The following SPATA31A6 variants were observed in gnomAD, a reference collection of about 807,000 sequenced individuals.
SPATA31A6 encodes spermatogenesis-associated protein 31A6.
In SPATA31A6, 9 loss-of-function variants were observed where a neutral mutation model predicts 11.9. The ratio of observed to expected loss-of-function variants is 0.76; its 90% CI spans 0.46 to 1.32. The LOEUF (loss-of-function observed/expected upper bound fraction) is 1.32. Ranked by LOEUF, SPATA31A6 falls within the 40% of genes most tolerant of loss-of-function variation. The probability of loss-of-function intolerance (pLI) is 0.00; values close to 1 mark genes in which losing one functional copy is unlikely to be tolerated. For missense variants in SPATA31A6, 855 were observed against 1,467.3 expected (o/e 0.58, Z 6.82); for synonymous variants, 314 against 572.1 (o/e 0.55, Z 6.44).
intron 2 of SPATA31A6, 162 bp downstream of exon 2, chr9:42,185,288 T>G: frequency 1.0e-6 from 1 of 991,422 alleles, no homozygotes; most frequent in Non-Finnish European, 1.5e-6. Context: ...GAAGCCATGG[T>G]GGGCCAGGGA....
Position 42,183,731 on chromosome 9 carries a change from C to G in SPATA31A6, c.44C>G (p.Ser15Trp). Residue 15 changes from serine (S) to tryptophan (W), a missense_variant, in exon 1 of 4, where the codon TCG becomes TGG. Transcript: ENST00000332857. ...CCTTTAAAATTACTTAGTGCCTCAT[C>G]GCTAAACGCCCCCAGCTCCACACCA... ...PFPLKLLSAS[S>W]LNAPSSTPWV... The G allele has an allele frequency of 1.3e-6, 2 of 1,534,794 alleles. No individual in the cohort carries two copies. The highest frequency in any genetic ancestry group is 1.8e-6 in the Non-Finnish European group (2 of 1,137,518).
In SPATA31A6 at chr9:42,183,754, C is replaced by T. The variant is rs1451356543; in HGVS notation, c.67C>T (p.Pro23Ser). The T allele has an allele frequency of 3.3e-6, 5 of 1,535,878 alleles. 1 individual carries two copies. Among genetic ancestry groups the T allele is most frequent in the Non-Finnish European group, 4.4e-6 (5 of 1,137,908 alleles). ...ATCGCTAAACGCCCCCAGCTCCACA[C>T]CATGGGTGTTGGATATCTTCCTCAC... The part of the protein sequence containing the change: ...ASSLNAPSST[P>S]WVLDIFLTLV... The change falls in exon 1 of 4, where the codon CCA (proline) becomes TCA (serine). Residue 23 changes from proline (P) to serine (S), a missense_variant. Pro to Ser is a moderately conservative substitution (Grantham distance 74). Transcript: ENST00000332857.
In SPATA31A6 at chr9:42,186,819, G is replaced by A. The variant is rs1829462404; in HGVS notation, c.1117G>A (p.Glu373Lys). 4 of 1,535,020 alleles carry A rather than the reference G, an allele frequency of 2.6e-6. No homozygotes were observed. The highest frequency in any genetic ancestry group is 3.5e-6 in the Non-Finnish European group (4 of 1,142,242). Residue 373 changes from glutamate (E) to lysine (K), a missense_variant, in exon 4 of 4, where the codon GAG becomes AAG. Transcript: ENST00000332857. ...LGNLAKSLDA[E>K]QDTTNPKPFW... ...GAATTTGGCTAAATCATTGGATGCT[G>A]AGCAGGACACCACAAACCCAAAACC...
At position 42,187,061 on chromosome 9, in the gene SPATA31A6, C is replaced by T. The variant is rs1338267510; in HGVS notation, c.1359C>T (p.Val453=). ...PPFLFNEMSN[V]CPIQRETTMS... ...TCTTGTTCAATGAAATGTCCAATGT[C>T]TGCCCAATTCAAAGGGAGACTACAA... Residue 453 remains valine (V), a synonymous_variant, in exon 4 of 4, where the codon GTC becomes GTT. Coordinates refer to ENST00000332857, the MANE Select transcript of SPATA31A6 (RefSeq NM_001145196.1). 3 of 1,546,102 alleles carry T rather than the reference C, an allele frequency of 1.9e-6. 1 individual carries two copies. The highest frequency in any genetic ancestry group is 3.1e-5 in the African/African-American group (2 of 65,154).
chr9:42,186,412 C>T lies in SPATA31A6; in HGVS notation c.710C>T (p.Pro237Leu), dbSNP rs1261329292. The change falls in exon 4 of 4, where the codon CCA becomes CTA. Residue 237 changes from proline to leucine, a missense_variant. Physicochemically the swap from Pro to Leu is moderately conservative, Grantham distance 98 (BLOSUM62 -3). Transcript: ENST00000332857. ...CTGCGGGACTCCACACTGATAACTC[C>T]ATCTCACTGTGACTCAGTGGCACTT... ...PPLRDSTLIT[P>L]SHCDSVALPL... 1 of 1,453,788 alleles carries T rather than the reference C, an allele frequency of 6.9e-7. No individual in the cohort carries two copies. Among genetic ancestry groups the T allele is most frequent in the East Asian group, 2.4e-5 (1 of 41,536 alleles). 90.1% of individuals were successfully genotyped at this position (1,453,788 alleles called of 1,614,324 possible).
At position 42,187,705 on chromosome 9, in the gene SPATA31A6, G is replaced by T; in HGVS notation, c.2003G>T (p.Gly668Val). The change falls in exon 4 of 4, where the codon GGG becomes GTG. Residue 668 changes from glycine (G) to valine (V), a missense_variant. Physicochemically the swap from Gly to Val is moderately radical, Grantham distance 109 (BLOSUM62 -3). Coordinates refer to ENST00000332857, the MANE Select transcript of SPATA31A6 (RefSeq NM_001145196.1). ...QLERDLCPHL[G>V]QILGETPQNL... is the part of the protein sequence containing the mutation. ...GAGAGGGACCTGTGCCCACATCTGG[G>T]GCAAATTCTGGGTGAGACCCCACAA... 9.2e-6 allele frequency: 14 copies of T among 1,520,078 alleles called. 2 individuals carry two copies. The highest frequency in any genetic ancestry group is 1.2e-5 in the Non-Finnish European group (14 of 1,129,374). The allele number at this position is 1,520,078 out of a possible 1,614,324, so 94.2% of individuals were successfully genotyped here.
chr9:42,188,826 T>G lies in SPATA31A6; in HGVS notation c.3124T>G (p.Ser1042Ala). 3.3e-6 allele frequency: 5 copies of G among 1,536,386 alleles called. 1 individual carries two copies. Among genetic ancestry groups the G allele is most frequent in the Non-Finnish European group, 4.4e-6 (5 of 1,138,134 alleles). Reference sequence around the variant, plus strand: ...GCAAGCATCTGTTGTGCCCCACGCTTCAGAGAATTTGGTTTCTCAAGTGCC... The same window carrying G: ...GCAAGCATCTGTTGTGCCCCACGCTGCAGAGAATTTGGTTTCTCAAGTGCC... Reference protein sequence around the residue: ...DGQASVVPHASENLVSQVPQG... With the variant: ...DGQASVVPHAAENLVSQVPQG... The change falls in exon 4 of 4, where the codon TCA becomes GCA. Residue 1042 changes from serine (S) to alanine (A), a missense_variant. Physicochemically the swap from Ser to Ala is moderately conservative, Grantham distance 99 (BLOSUM62 1). Transcript: ENST00000332857.
Position 42,186,569 on chromosome 9 carries a change from C to G in SPATA31A6, c.867C>G (p.Thr289=), listed in dbSNP as rs1374071829. 6.5e-7 allele frequency: 1 copy of G among 1,526,798 alleles called. No individual in the cohort carries two copies. Among genetic ancestry groups the G allele is most frequent in the Non-Finnish European group, 8.8e-7 (1 of 1,135,608 alleles). The allele number at this position is 1,526,798 out of a possible 1,614,324, so 94.6% of individuals were successfully genotyped here. The stretch of plus-strand genomic sequence containing the variant: ...CCCGGTGGCAGGAGACTGCCAGAAC[C>G]TCGTGCGCCTTTAACTCATCAGTCC... ...ASSRWQETAR[T]SCAFNSSVQQ... The change falls in exon 4 of 4, where the codon ACC becomes ACG. Residue 289 remains threonine (T), a synonymous_variant. Coordinates refer to ENST00000332857, the MANE Select transcript of SPATA31A6 (RefSeq NM_001145196.1).
chr9:42,187,211 C>A lies in SPATA31A6; in HGVS notation c.1509C>A (p.Phe503Leu), dbSNP rs1228207892. The change falls in exon 4 of 4, where the codon TTC (phenylalanine) becomes TTA (leucine). Residue 503 changes from phenylalanine to leucine, a missense_variant. Phe to Leu is a conservative substitution (Grantham distance 22). Transcript: ENST00000332857. ...CTCAGGCCCATCTTCAGTCTTCTTT[C>A]CCAGTCCTATCTCCTGCTTTTCCAT... is the stretch of plus-strand genomic sequence containing the variant. ...AEAQAHLQSS[F>L]PVLSPAFPSL... 5.8e-6 allele frequency: 9 copies of A among 1,543,336 alleles called. 2 individuals are homozygous for A. The highest frequency in any genetic ancestry group is 7.9e-6 in the Non-Finnish European group (9 of 1,138,288).
Sources: gnomAD v4.1 joint callset for allele counts on GRCh38, gnomAD v4.1.1 for gene constraint, MANE v1.5 for transcripts, NCBI Gene and HGNC (gene_info 2026-07-23, HGNC 2026-07-21) for gene names.